TMTC1: variants seen among roughly 807,000 people sequenced by gnomAD.
TMTC1 encodes the protein protein O-mannosyl-transferase TMTC1.
Under a neutral mutation model 104.8 loss-of-function variants are expected in TMTC1, and 73 were observed. That is an observed-to-expected ratio of 0.70 (90% CI 0.58 to 0.85). The LOEUF (loss-of-function observed/expected upper bound fraction) is 0.85. Among genes scored for constraint, TMTC1 ranks in the 40% least tolerant of loss-of-function variants. TMTC1 has a pLI of 0.00. For synonymous variants in TMTC1, 434 were observed against 428.7 expected (o/e 1.01, Z -0.15); for missense variants, 1,035 against 1,096.1 (o/e 0.94, Z 0.79).
At chr12:29,759,966 G>A (rs776949740) in intron 2 of TMTC1, among the ~76,000 whole-genome samples, 2 of 152,026 alleles carry the variant, frequency 1.3e-5, no homozygotes, top group African/African-American at 4.8e-5. Context: ...GGTCAACAAC[G>A]AGCCACATAT....
chr12:29,761,175 T>C (rs1943340695), intron 2 of TMTC1, among the ~76,000 whole-genome samples: 1 of 149,628 alleles, frequency 6.7e-6, no homozygotes, highest in Non-Finnish European at 1.5e-5. Flanking sequence ...ATCTATAAAT[T>C]ATATTATAGA....
intron 6 of TMTC1, among the ~76,000 whole-genome samples, chr12:29,630,860 T>G (rs1257968600): frequency 6.6e-6 from 1 of 152,188 alleles, no homozygotes; most frequent in Non-Finnish European, 1.5e-5. Flanking sequence ...GTCTGAATCA[T>G]TTTTTATTCC....
intron 5 of TMTC1, among the ~76,000 whole-genome samples, chr12:29,638,267 T>A (rs1194207280): frequency 7.9e-5 from 12 of 151,862 alleles, no homozygotes; most frequent in African/African-American, 2.9e-4. Flanking sequence ...TGGCTGGACA[T>A]CGAGAGGAGC....
At chr12:29,659,096 C>T (rs1221172998) in intron 5 of TMTC1, among the ~76,000 whole-genome samples, 1 of 152,208 alleles carries the variant, frequency 6.6e-6, no homozygotes, top group Non-Finnish European at 1.5e-5. Flanking sequence ...CTATTTGTCA[C>T]TTCCAACCAC....
In TMTC1 at chr12:29,664,015, G is replaced by A. The variant is rs574392450; in HGVS notation, c.939-30679C>T. Among the ~76,000 whole-genome samples, 215 of 151,394 alleles carry A rather than the reference G, an allele frequency of 1.4e-3. 2 individuals carry two copies. Among genetic ancestry groups the A allele is most frequent in the African/African-American group, 3.8e-3 (156 of 41,348 alleles). On this transcript the variant is annotated intron_variant, in intron 5 of 17. Coordinates refer to ENST00000539277, the MANE Select transcript of TMTC1 (RefSeq NM_001193451.2). ...ATCCCGGCTAAAACGGTGAAACCCC[G>A]TCTCTACTAAAAATACAAAAAATTA... is the stretch of plus-strand genomic sequence containing the variant.
At chr12:29,600,839 CA>C (rs1236610222) in intron 7 of TMTC1, among the ~76,000 whole-genome samples, 1 of 152,072 alleles carries the variant, frequency 6.6e-6, no homozygotes, top group East Asian at 1.9e-4. Context: ...CGTGTTAGTC[CA>C]GGATTCACTA....
At chr12:29,782,643 T>C (rs917078862) in intron 1 of TMTC1, among the ~76,000 whole-genome samples, 1 of 152,184 alleles carries the variant, frequency 6.6e-6, no homozygotes, top group African/African-American at 2.4e-5. Context: ...GCTAGGCTTC[T>C]TTTCAAATTA....
At chr12:29,718,218 A>C (rs141257876) in intron 5 of TMTC1, among the ~76,000 whole-genome samples, 1 of 152,224 alleles carries the variant, frequency 6.6e-6, no homozygotes, top group Admixed American at 6.5e-5. Context: ...AAGGGAACCA[A>C]TACTTTGAAG....
At chr12:29,755,958 A>AT in intron 3 of TMTC1, 73 bp from the exon 4 acceptor site, 1 of 1,436,942 alleles carries the variant, frequency 7.0e-7, no homozygotes, top group South Asian at 1.3e-5. Flanking sequence ...CCTCTTAAAG[A>AT]TAAGATCTAA....
intron 5 of TMTC1, among the ~76,000 whole-genome samples, chr12:29,714,901 A>G (rs1942035125): frequency 6.6e-6 from 1 of 152,146 alleles, no homozygotes; most frequent in South Asian, 2.1e-4. Context: ...ATCATGCTGC[A>G]CTCTCAGAAG....
intron 6 of TMTC1, among the ~76,000 whole-genome samples, chr12:29,627,362 A>G (rs1425821390): frequency 6.6e-6 from 1 of 152,218 alleles, no homozygotes; most frequent in African/African-American, 2.4e-5. Context: ...AGGATGCTCA[A>G]CTTCATTGAT....
At chr12:29,663,384 A>G (rs1940123364) in intron 5 of TMTC1, among the ~76,000 whole-genome samples, 1 of 152,128 alleles carries the variant, frequency 6.6e-6, no homozygotes, top group African/African-American at 2.4e-5. Context: ...TTCTGGGGTG[A>G]TCTGCTTCTG....
At chr12:29,683,269 A>G (rs1940981496) in intron 5 of TMTC1, among the ~76,000 whole-genome samples, 1 of 152,202 alleles carries the variant, frequency 6.6e-6, no homozygotes, top group Admixed American at 6.5e-5. Context: ...CGAGGTCAAG[A>G]GGGTTTAAAA....
At chr12:29,695,409 C>T (rs1009140613) in intron 5 of TMTC1, among the ~76,000 whole-genome samples, 29 of 152,110 alleles carry the variant, frequency 1.9e-4, no homozygotes, top group African/African-American at 5.8e-4. Context: ...CTGGTTCAAG[C>T]GATTCTCCTG....
At chr12:29,772,564 G>A (rs1329590495) in intron 1 of TMTC1, among the ~76,000 whole-genome samples, 1 of 152,158 alleles carries the variant, frequency 6.6e-6, no homozygotes, top group Admixed American at 6.6e-5. Context: ...CTCACTCTAA[G>A]ATCAGCCTGA....
intron 9 of TMTC1, among the ~76,000 whole-genome samples, chr12:29,560,240 T>C (rs557409568): frequency 1.7e-3 from 253 of 152,326 alleles, no homozygotes; most frequent in African/African-American, 5.8e-3. Context: ...CAACAAAAGA[T>C]CTGCTGAACT....
chr12:29,512,529 T>C (rs1460834832), intron 16 of TMTC1, among the ~76,000 whole-genome samples: 1 of 152,236 alleles, frequency 6.6e-6, no homozygotes, highest in Non-Finnish European at 1.5e-5. Flanking sequence ...AGTTTAACCC[T>C]AATGCAGTAT....
At position 29,604,421 on chromosome 12, in the gene TMTC1, A is replaced by G. The variant is rs1946644240; in HGVS notation, c.1129-122T>C. 3.0e-6 allele frequency: 4 copies of G among 1,327,036 alleles called. No homozygotes were observed. In the South Asian group the frequency reaches 5.5e-5, roughly 18 times the overall value. 82.2% of individuals were successfully genotyped at this position (1,327,036 alleles called of 1,614,324 possible). A position where few individuals can be genotyped will look rare whatever the true frequency, so the allele number is the denominator to read the frequency against. On this transcript the variant is annotated intron_variant, in intron 6 of 17. Coordinates refer to ENST00000539277, the MANE Select transcript of TMTC1 (RefSeq NM_001193451.2). ...AAATGAATAAATTAGACCAATATAA[A>G]CCTTTTGACCGGCGTGCTGAATTTA... is the stretch of plus-strand genomic sequence containing the variant.
chr12:29,604,104 A>C, intron 7 of TMTC1, 74 bp downstream of exon 7: 1 of 1,589,054 alleles, frequency 6.3e-7, no homozygotes, highest in Non-Finnish European at 8.6e-7. Flanking sequence ...CACACAGAAG[A>C]CTGTCTCTCT....
Sources: allele counts gnomAD v4.1 joint callset (sites outside exome capture counted in the v4.1 genomes callset), GRCh38; gene constraint gnomAD v4.1.1; transcripts MANE v1.5; gene names NCBI Gene and HGNC (gene_info 2026-07-23, HGNC 2026-07-21).